The following CFAP276 variants were observed in gnomAD, a reference collection of about 807,000 sequenced individuals.
CFAP276 encodes cilia and flagella associated protein 276.
the CFAP276 span, chr1:109,108,077 C>T: frequency 7.9e-5 from 112 of 1,420,910 alleles, 4 homozygotes; most frequent in Non-Finnish European, 1.1e-4. Context: ...CCTGGTTATA[C>T]GGGAAGCCTT....
chr1:109,112,560 G>A, the CFAP276 span: 3 of 1,548,448 alleles, frequency 1.9e-6, 1 homozygote, highest in South Asian at 2.4e-5. Context: ...GAAGACTACC[G>A]GCGACCCTAC....
the CFAP276 span, chr1:109,108,183 T>C: frequency 2.9e-6 from 2 of 679,336 alleles, no homozygotes; most frequent in Non-Finnish European, 5.2e-6. Flanking sequence ...CACTCTGTCA[T>C]AGAAGCTGGA....
the CFAP276 span, chr1:109,105,967 CTATT>C: frequency 2.3e-6 from 3 of 1,288,042 alleles, no homozygotes; most frequent in Non-Finnish European, 3.3e-6. Flanking sequence ...TTGCACAAAT[CTATT>C]TAATGGAAGT....
chr1:109,109,885 C>G, the CFAP276 span, among the ~76,000 whole-genome samples: 1 of 152,186 alleles, frequency 6.6e-6, no homozygotes, highest in East Asian at 1.9e-4. Context: ...TGTGCTATCA[C>G]TGAGAAGAAT....
At chr1:109,113,469 G>GAGAGAGAGAGAGAGA in the CFAP276 span, among the ~76,000 whole-genome samples, 2 of 74,934 alleles carry the variant, frequency 2.7e-5, no homozygotes, top group Admixed American at 1.3e-4. Context: ...AGAGAGAGAG[G>GAGAGAGAGAGAGAGA]CCCACGTGCG....
chr1:109,106,807 A>C, the CFAP276 span: 1 of 993,532 alleles, frequency 1.0e-6, no homozygotes, highest in African/African-American at 1.6e-5. Context: ...TTGTTTATAC[A>C]GATGAGCACA....
At chr1:109,108,634 A>G in the CFAP276 span, among the ~76,000 whole-genome samples, 1 of 152,202 alleles carries the variant, frequency 6.6e-6, no homozygotes, top group African/African-American at 2.4e-5. Context: ...TGATGAGCTT[A>G]GGTTTAGATG....
At chr1:109,107,217 T>C in the CFAP276 span, 1 of 903,430 alleles carries the variant, frequency 1.1e-6, no homozygotes, top group Non-Finnish European at 1.8e-6. Flanking sequence ...AAAAGTATAG[T>C]GAAGGCTCTC....
At chr1:109,113,560 G>C in the CFAP276 span, 2 of 1,515,780 alleles carry the variant, frequency 1.3e-6, no homozygotes, top group Middle Eastern at 1.7e-4. Context: ...CTTCTAGCCG[G>C]TTGTAAAAGC....
At chr1:109,109,042 C>T in the CFAP276 span, among the ~76,000 whole-genome samples, 8 of 152,148 alleles carry the variant, frequency 5.3e-5, no homozygotes, top group South Asian at 4.1e-4. Context: ...TGTAAAATGC[C>T]ATATTCACCA....
chr1:109,113,499 T>C, the CFAP276 span: 1 of 837,490 alleles, frequency 1.2e-6, no homozygotes, highest in South Asian at 1.6e-5. Context: ...AAATTGCGGC[T>C]AAGGCAAACT....
At chr1:109,108,379 G>C in the CFAP276 span, among the ~76,000 whole-genome samples, 1 of 152,186 alleles carries the variant, frequency 6.6e-6, no homozygotes, top group Non-Finnish European at 1.5e-5. Flanking sequence ...CTGGCCTCAA[G>C]TGATACACCT....
At chr1:109,113,514 G>T in the CFAP276 span, 6 of 949,480 alleles carry the variant, frequency 6.3e-6, no homozygotes, top group South Asian at 1.4e-5. Flanking sequence ...CAAACTCCTC[G>T]CTTAAACTCG....
At chr1:109,106,954 A>G in the CFAP276 span, 10 of 1,380,646 alleles carry the variant, frequency 7.2e-6, no homozygotes, top group Admixed American at 1.6e-4. Context: ...TTTACCTTAT[A>G]TGACTGGATG....
the CFAP276 span, chr1:109,107,110 C>T: frequency 6.2e-7 from 1 of 1,614,098 alleles, no homozygotes; most frequent in Non-Finnish European, 8.5e-7. Context: ...AAGTCCAGGT[C>T]ATCCTTTGGT....
At chr1:109,106,709 A>G in the CFAP276 span, 3 of 1,578,802 alleles carry the variant, frequency 1.9e-6, no homozygotes, top group Non-Finnish European at 8.6e-7. Flanking sequence ...CAATCAGAGA[A>G]AGGTGAGGAA....
At chr1:109,113,525 G>C in the CFAP276 span, 4 of 984,834 alleles carry the variant, frequency 4.1e-6, no homozygotes. Context: ...CTTAAACTCG[G>C]ATCAACTACA....
chr1:109,111,292 T>C, the CFAP276 span, among the ~76,000 whole-genome samples: 1 of 152,026 alleles, frequency 6.6e-6, no homozygotes, highest in African/African-American at 2.4e-5. Flanking sequence ...CAAAGGAAGA[T>C]CCTGGTTCTA....
the CFAP276 span, chr1:109,106,611 G>A: frequency 4.3e-6 from 7 of 1,613,936 alleles, no homozygotes; most frequent in African/African-American, 9.3e-5. Flanking sequence ...GGAAAGTGAT[G>A]GGTGGAGTGG....
Sources: allele counts gnomAD v4.1 joint callset (sites outside exome capture counted in the v4.1 genomes callset), GRCh38; gene constraint gnomAD v4.1.1; transcripts MANE v1.5; gene names NCBI Gene and HGNC (gene_info 2026-07-23, HGNC 2026-07-21).